Variants in C8orf34 observed in about 807,000 individuals in gnomAD.
The protein encoded by C8orf34 is uncharacterized protein C8orf34.
Under a neutral mutation model 68.3 loss-of-function variants are expected in C8orf34, and 65 were observed. The observed-to-expected ratio is 0.95, with a 90% CI of 0.78 to 1.17. C8orf34 has a LOEUF of 1.17. C8orf34 is among the 50% of genes most tolerant of loss of function. C8orf34 has a pLI of 0.00. For missense variants in C8orf34, 664 were observed against 655.4 expected, an observed-to-expected ratio of 1.01 and a Z score of -0.14; for synonymous variants, 244 against 241.2, an observed-to-expected ratio of 1.01 and a Z score of -0.11.
rs766697394 is a variant in C8orf34 at position 68,446,441 on chromosome 8, A to C, written c.588A>C (p.Pro196=). 6 of 1,612,616 alleles carry C rather than the reference A, an allele frequency of 3.7e-6. No individual in the cohort carries two copies. Among genetic ancestry groups the C allele is most frequent in the African/African-American group, 1.3e-5 (1 of 74,892 alleles). Residue 196 remains proline, a synonymous_variant, in exon 3 of 14, where the codon CCA becomes CCC. Coordinates refer to ENST00000518698, the MANE Select transcript of C8orf34 (RefSeq NM_052958.4). ...TTGCTGTGTCTAATATTTCTCCACC[A>C]TCACCGGACTCCAAATCATGTAAGG... ...SDLAVSNISP[P]SPDSKSLPRS...
intron 1 of C8orf34, among the ~76,000 whole-genome samples, chr8:68,336,752 C>G (rs971101892): frequency 1.3e-5 from 2 of 152,060 alleles, no homozygotes; most frequent in African/African-American, 4.8e-5. Flanking sequence ...ACCAGGTGTC[C>G]TTGAAGAAAT....
chr8:68,410,817 G>T (rs1400551), intron 1 of C8orf34, among the ~76,000 whole-genome samples: 1 of 152,088 alleles, frequency 6.6e-6, no homozygotes, highest in Non-Finnish European at 1.5e-5. Flanking sequence ...GGTAAAAGCC[G>T]CAACTGCCAA....
intron 10 of C8orf34, among the ~76,000 whole-genome samples, chr8:68,747,923 G>A (rs1458610447): frequency 1.6e-4 from 24 of 152,124 alleles, no homozygotes; most frequent in East Asian, 3.9e-4. Context: ...AGCCCGCATC[G>A]CCAAGTCAAT....
intron 7 of C8orf34, among the ~76,000 whole-genome samples, chr8:68,585,402 G>A (rs1347784384): frequency 6.6e-6 from 1 of 152,108 alleles, no homozygotes; most frequent in Non-Finnish European, 1.5e-5. Flanking sequence ...TCAGTATATA[G>A]TTAAATAAAA....
At chr8:68,523,221 C>T (rs1814833631) in intron 6 of C8orf34, among the ~76,000 whole-genome samples, 1 of 152,094 alleles carries the variant, frequency 6.6e-6, no homozygotes, top group Admixed American at 6.6e-5. Context: ...TTTTTTAATA[C>T]CAGGCTTATA....
At chr8:68,763,038 G>T (rs1263614054) in intron 10 of C8orf34, among the ~76,000 whole-genome samples, 1 of 152,104 alleles carries the variant, frequency 6.6e-6, no homozygotes, top group Non-Finnish European at 1.5e-5. Flanking sequence ...TAACTGATTG[G>T]TCTATAAAGT....
chr8:68,341,448 A>G (rs958441670), intron 1 of C8orf34, among the ~76,000 whole-genome samples: 6 of 152,162 alleles, frequency 3.9e-5, no homozygotes, highest in African/African-American at 1.4e-4. Flanking sequence ...TGGGAAATCT[A>G]AAAAAACTGA....
chr8:68,565,707 A>G (rs1043355583), intron 7 of C8orf34, among the ~76,000 whole-genome samples: 2 of 152,158 alleles, frequency 1.3e-5, no homozygotes, highest in Non-Finnish European at 2.9e-5. Flanking sequence ...AAGGTATTAC[A>G]TTATATGATC....
At position 68,651,176 on chromosome 8, in the gene C8orf34, T is replaced by C. The variant is rs1199093996; in HGVS notation, c.1241+10665T>C. Reference sequence around the variant, plus strand: ...TCTATGTGTTTACTTTATCTACCTATTCATCCATCCATCTATTCCATAAAA... The same window carrying C: ...TCTATGTGTTTACTTTATCTACCTACTCATCCATCCATCTATTCCATAAAA... On this transcript the variant is annotated intron_variant, in intron 8 of 13. Transcript: ENST00000518698. Among the ~76,000 whole-genome samples, 3 of 152,294 alleles carry C rather than the reference T, an allele frequency of 2.0e-5. 1 individual carries two copies. Among genetic ancestry groups the C allele is most frequent in the Admixed American group, 2.0e-4 (3 of 15,302 alleles).
At chr8:68,727,352 G>A (rs1256624734) in intron 10 of C8orf34, among the ~76,000 whole-genome samples, 1 of 152,140 alleles carries the variant, frequency 6.6e-6, no homozygotes, top group Non-Finnish European at 1.5e-5. Context: ...CACCCCTATG[G>A]CTTTGCAGGG....
intron 7 of C8orf34, among the ~76,000 whole-genome samples, chr8:68,608,334 G>A (rs1262867460): frequency 6.6e-6 from 1 of 151,926 alleles, no homozygotes; most frequent in African/African-American, 2.4e-5. Context: ...GGTAAAAAGA[G>A]AAAACTAAGC....
intron 8 of C8orf34, among the ~76,000 whole-genome samples, chr8:68,690,293 G>A (rs1166640943): frequency 6.6e-6 from 1 of 151,874 alleles, no homozygotes; most frequent in Non-Finnish European, 1.5e-5. Flanking sequence ...TACCTTCCTA[G>A]AATTTTTCAG....
chr8:68,530,590 C>T, intron 6 of C8orf34: 2 of 1,247,172 alleles, frequency 1.6e-6, no homozygotes, highest in Non-Finnish European at 2.1e-6. Flanking sequence ...CATTGTTTCT[C>T]AGTTTAGAAG....
chr8:68,364,900 A>C (rs1435581820), intron 1 of C8orf34, among the ~76,000 whole-genome samples: 114 of 151,598 alleles, frequency 7.5e-4, no homozygotes, highest in African/African-American at 1.1e-3. Context: ...AAAATCAGAG[A>C]AGAACTGAAG....
intron 10 of C8orf34, among the ~76,000 whole-genome samples, chr8:68,755,884 C>A (rs1222619194): frequency 1.3e-5 from 2 of 150,554 alleles, no homozygotes; most frequent in African/African-American, 2.5e-5. Flanking sequence ...ACAGGTGAAA[C>A]CCCGTCTCTA....
At chr8:68,426,208 T>A (rs929740877) in intron 1 of C8orf34, among the ~76,000 whole-genome samples, 1 of 151,956 alleles carries the variant, frequency 6.6e-6, no homozygotes, top group Non-Finnish European at 1.5e-5. Context: ...TTCAGCTTTA[T>A]GAAAAATCCT....
chr8:68,795,622 G>T (rs1824157650), intron 12 of C8orf34, among the ~76,000 whole-genome samples: 1 of 152,130 alleles, frequency 6.6e-6, no homozygotes, highest in African/African-American at 2.4e-5. Context: ...GCTAATGACT[G>T]GACAGGTGTC....
chr8:68,354,391 G>A (rs1253827483), intron 1 of C8orf34, among the ~76,000 whole-genome samples: 1 of 151,958 alleles, frequency 6.6e-6, no homozygotes, highest in Non-Finnish European at 1.5e-5. Flanking sequence ...GCCCAGACCG[G>A]GGTGCAGTGG....
At chr8:68,627,391 A>G (rs543100170) in intron 7 of C8orf34, among the ~76,000 whole-genome samples, 70 of 152,266 alleles carry the variant, frequency 4.6e-4, no homozygotes, top group Middle Eastern at 3.4e-3. Flanking sequence ...CTTCAATTAA[A>G]GCTATTACTG....
Sources: allele counts gnomAD v4.1 joint callset (sites outside exome capture counted in the v4.1 genomes callset), GRCh38; gene constraint gnomAD v4.1.1; transcripts MANE v1.5; gene names NCBI Gene and HGNC (gene_info 2026-07-23, HGNC 2026-07-21).